The following RAB6A variants were observed in gnomAD, a reference collection of about 807,000 sequenced individuals.
RAB6A encodes the protein RAB6A, member RAS oncogene family, also known as ras-related protein Rab-6A.
Under a neutral mutation model 32.3 loss-of-function variants are expected in RAB6A, and 8 were observed. The ratio of observed to expected loss-of-function variants is 0.25; its 90% CI spans 0.15 to 0.45. RAB6A has a LOEUF of 0.45. RAB6A is among the 20% of genes least tolerant of loss of function. The probability of loss-of-function intolerance (pLI) is 1.00; values close to 1 mark genes in which losing one functional copy is unlikely to be tolerated. For missense variants in RAB6A, 104 were observed against 249.4 expected (o/e 0.42, Z 3.93); for synonymous variants, 73 against 82.1 (o/e 0.89, Z 0.60).
Position 73,677,494 on chromosome 11 carries a change from T to G in RAB6A, c.*404A>C, listed in dbSNP as rs1590814662. 3.0e-6 allele frequency: 1 copy of G among 334,982 alleles called. No homozygotes were observed. The highest frequency in any genetic ancestry group is 5.7e-6 in the Non-Finnish European group (1 of 174,776). 20.8% of individuals were successfully genotyped at this position (334,982 alleles called of 1,614,324 possible). ...AGAATAGGGTAATAGGGAATGGGGG[T>G]AAGTGAGAGGTGAGAAAAGCAAGGA... On this transcript the variant is annotated 3_prime_UTR_variant, in exon 8 of 8. Coordinates refer to ENST00000336083, the MANE Select transcript of RAB6A (RefSeq NM_198896.2).
intron 2 of RAB6A, among the ~76,000 whole-genome samples, chr11:73,729,280 G>C (rs986648497): frequency 6.6e-6 from 1 of 152,108 alleles, no homozygotes; most frequent in Non-Finnish European, 1.5e-5. Context: ...TGTATTCTTA[G>C]TAGAGATGGA....
rs532956737 is a variant in RAB6A at position 73,739,239 on chromosome 11, C to CA, written c.71-8417dup. On this transcript the variant is annotated intron_variant, in intron 1 of 7. Transcript: ENST00000336083. The stretch of plus-strand genomic sequence containing the variant: ...TGGCCTGGGAGACAGAGCAAGACTG[C>CA]AAAAAAAAAATAGTAATAATAATTA... 8.3e-3 allele frequency among the ~76,000 whole-genome samples: 355 copies of CA among 42,724 alleles called. 4 individuals are homozygous for CA. The highest frequency in any genetic ancestry group is 0.03 in the African/African-American group (311 of 10,522). The allele number at this position is 42,724 out of a possible 152,430, so 28.0% of individuals were successfully genotyped here.
chr11:73,699,898 C>T (rs1313153832), intron 6 of RAB6A, among the ~76,000 whole-genome samples: 2 of 152,124 alleles, frequency 1.3e-5, no homozygotes, highest in Non-Finnish European at 2.9e-5. Flanking sequence ...GCATAAGGTA[C>T]ATATACTATT....
chr11:73,759,234 T>A (rs1230045013), intron 1 of RAB6A, among the ~76,000 whole-genome samples: 1 of 152,172 alleles, frequency 6.6e-6, no homozygotes, highest in Non-Finnish European at 1.5e-5. Flanking sequence ...AATCTCTCAA[T>A]GTCTGAATTT....
intron 5 of RAB6A, among the ~76,000 whole-genome samples, chr11:73,711,729 C>T (rs978134203): frequency 1.3e-5 from 2 of 152,194 alleles, no homozygotes; most frequent in African/African-American, 4.8e-5. Flanking sequence ...TATTACCATT[C>T]TGCATTGCCT....
chr11:73,717,099 CCT>C (rs1946063928), intron 4 of RAB6A, among the ~76,000 whole-genome samples: 1 of 152,038 alleles, frequency 6.6e-6, no homozygotes, highest in Admixed American at 6.6e-5. Flanking sequence ...TATGAACATA[CCT>C]CTTTTTTTTA....
At chr11:73,718,792 A>G in intron 3 of RAB6A, 74 bp from the exon 4 acceptor site, 3 of 1,614,156 alleles carry the variant, frequency 1.9e-6, no homozygotes, top group Non-Finnish European at 2.5e-6. Flanking sequence ...TACTTGTGAT[A>G]TCGTAAACTA....
rs1054255448 is a variant in RAB6A at position 73,744,248 on chromosome 11, G to A, written c.71-13425C>T. The stretch of plus-strand genomic sequence containing the variant: ...AGCTACTCGGGAGGCTGAGGCAGGA[G>A]AATGGCGTGAACTCGGGAGGTGGAG... On this transcript the variant is annotated intron_variant, in intron 1 of 7. Transcript: ENST00000336083. Among the ~76,000 whole-genome samples, 3 of 150,204 alleles carry A rather than the reference G, an allele frequency of 2.0e-5. No individual in the cohort carries two copies. In the East Asian group the frequency reaches 5.9e-4, roughly 29 times the overall value.
intron 1 of RAB6A, among the ~76,000 whole-genome samples, chr11:73,734,204 C>T (rs1946359675): frequency 6.6e-6 from 1 of 152,170 alleles, no homozygotes; most frequent in African/African-American, 2.4e-5. Context: ...CAGCTCACTG[C>T]AACCTTCACC....
intron 2 of RAB6A, among the ~76,000 whole-genome samples, chr11:73,728,610 A>AATAATAATAAT (rs1946258978): frequency 7.3e-6 from 1 of 136,484 alleles, no homozygotes; most frequent in Non-Finnish European, 1.5e-5. Context: ...GTCTTTGTTT[A>AATAATAATAAT]AATAATAATA....
chr11:73,714,206 AAAAATATAT>A (rs1946013487), intron 5 of RAB6A, among the ~76,000 whole-genome samples: 2 of 78,978 alleles, frequency 2.5e-5, no homozygotes, highest in South Asian at 1.2e-3. Flanking sequence ...AAAAAAAAAA[AAAAATATAT>A]ATATATATAT....
At chr11:73,711,923 T>C (rs954696526) in intron 5 of RAB6A, among the ~76,000 whole-genome samples, 6 of 152,240 alleles carry the variant, frequency 3.9e-5, no homozygotes, top group African/African-American at 1.4e-4. Context: ...ACTTTCTCCA[T>C]GAACCGTTCA....
chr11:73,686,084 T>C (rs1480596147), intron 6 of RAB6A, among the ~76,000 whole-genome samples: 2 of 151,950 alleles, frequency 1.3e-5, no homozygotes, highest in African/African-American at 2.4e-5. Flanking sequence ...TATAAAAAAC[T>C]GGTGGGAAAG....
rs998711349 is a variant in RAB6A, at chr11:73,718,985, G to A, written c.184-267C>T. ...GTTTTTTGTAAAAGGGAGAGGGTGG[G>A]AAGGAAGTAGAAAGAAGACTCATGC... On this transcript the variant is annotated intron_variant, in intron 3 of 7. Coordinates refer to ENST00000336083, the MANE Select transcript of RAB6A (RefSeq NM_198896.2). 8.4e-5 allele frequency: 96 copies of A among 1,144,992 alleles called. No homozygotes were observed. The African/African-American group carries it at 1.4e-3, about 17-fold the overall frequency. The allele number at this position is 1,144,992 out of a possible 1,614,324, so 70.9% of individuals were successfully genotyped here. A position where few individuals can be genotyped will look rare whatever the true frequency, so the allele number is the denominator to read the frequency against.
At chr11:73,689,895 C>CAGAA (rs1945520611) in intron 6 of RAB6A, among the ~76,000 whole-genome samples, 1 of 60,962 alleles carries the variant, frequency 1.6e-5, no homozygotes, top group African/African-American at 6.0e-5. Context: ...GACTCCGTCT[C>CAGAA]AAAAAAAAAA....
intron 6 of RAB6A, among the ~76,000 whole-genome samples, chr11:73,691,518 T>C (rs1945563990): frequency 1.3e-5 from 2 of 152,206 alleles, no homozygotes; most frequent in Admixed American, 1.3e-4. Flanking sequence ...TAATAGCCTA[T>C]TTTTACTTCT....
At chr11:73,753,712 A>AAAAAAAAC (rs915422213) in intron 1 of RAB6A, among the ~76,000 whole-genome samples, 13 of 151,706 alleles carry the variant, frequency 8.6e-5, no homozygotes, top group African/African-American at 2.9e-4. Flanking sequence ...TTCCGTCTGA[A>AAAAAAAAC]AAAAAAACAA....
chr11:73,738,713 G>C (rs1946441444), intron 1 of RAB6A, among the ~76,000 whole-genome samples: 1 of 152,052 alleles, frequency 6.6e-6, no homozygotes, highest in Non-Finnish European at 1.5e-5. Flanking sequence ...GGTAGGCCGA[G>C]GCAGGCAGAT....
intron 3 of RAB6A, among the ~76,000 whole-genome samples, chr11:73,720,180 CTTTT>C (rs10688172): frequency 4.6e-5 from 6 of 130,688 alleles, no homozygotes; most frequent in Non-Finnish European, 1.6e-5. Flanking sequence ...ATACACATTA[CTTTT>C]TTTTTTTTTT....
Sources: allele counts gnomAD v4.1 joint callset (sites outside exome capture counted in the v4.1 genomes callset), GRCh38; gene constraint gnomAD v4.1.1; transcripts MANE v1.5; gene names NCBI Gene and HGNC (gene_info 2026-07-23, HGNC 2026-07-21).